Variants in EPHB1 observed in about 807,000 individuals in gnomAD.
EPHB1 encodes ephrin type-B receptor 1.
Under a neutral mutation model 94.4 loss-of-function variants are expected in EPHB1, and 30 were observed. That is an observed-to-expected ratio of 0.32 (90% CI 0.24 to 0.43). The LOEUF (loss-of-function observed/expected upper bound fraction) is 0.43. EPHB1 is among the 20% of genes least tolerant of loss of function. The pLI is 1.00. For missense variants in EPHB1, 1,055 were observed against 1,308.3 expected, an observed-to-expected ratio of 0.81 and a Z score of 2.99; for synonymous variants, 522 against 489.1, an observed-to-expected ratio of 1.07 and a Z score of -0.89.
chr3:134,802,203 G>C (rs1391263503), intron 1 of EPHB1, among the ~76,000 whole-genome samples: 3 of 152,002 alleles, frequency 2.0e-5, no homozygotes, highest in African/African-American at 7.3e-5. Flanking sequence ...TTGGGAGGCT[G>C]AGGCGGGCGG....
intron 12 of EPHB1, among the ~76,000 whole-genome samples, chr3:135,239,962 T>C (rs879180975): frequency 6.6e-6 from 1 of 152,150 alleles, no homozygotes; most frequent in Admixed American, 6.5e-5. Context: ...GTAGGTTACT[T>C]GCCCCCGCCG....
At chr3:134,869,477 A>G (rs1022493365) in intron 1 of EPHB1, among the ~76,000 whole-genome samples, 1 of 152,150 alleles carries the variant, frequency 6.6e-6, no homozygotes, top group African/African-American at 2.4e-5. Context: ...GAGCCCTTGG[A>G]TGGACCGTGG....
In EPHB1 at chr3:134,906,240, G is replaced by A. The variant is rs189691689; in HGVS notation, c.59-19576G>A. Among the ~76,000 whole-genome samples, 32 of 152,310 alleles carry A rather than the reference G, an allele frequency of 2.1e-4. No individual in the cohort carries two copies. The East Asian group carries it at 3.3e-3, about 16-fold the overall frequency. On this transcript the variant is annotated intron_variant, in intron 1 of 15. Coordinates refer to ENST00000398015, the MANE Select transcript of EPHB1 (RefSeq NM_004441.5). ...GAATTTTGTTGAAACCATTTAGCCC[G>A]AGGGGATAGCATCATAGATCAGAAT...
At position 134,951,756 on chromosome 3, in the gene EPHB1, G is replaced by T. The variant is rs563780078; in HGVS notation, c.509G>T (p.Arg170Leu). ...TEVRSFGPLT[R>L]NGFYLAFQDY... is the part of the protein sequence containing the mutation. ...GTCAGGAGCTTTGGGCCTCTTACTCGGAATGGTTTTTACCTCGCTTTTCAG... is the reference window on the plus strand; with the variant it reads ...GTCAGGAGCTTTGGGCCTCTTACTCTGAATGGTTTTTACCTCGCTTTTCAG... The change falls in exon 3 of 16, where the codon CGG becomes CTG. Residue 170 changes from arginine (R) to leucine (L), a missense_variant. Arg to Leu is a moderately radical substitution (Grantham distance 102). Coordinates refer to ENST00000398015, the MANE Select transcript of EPHB1 (RefSeq NM_004441.5). This position sits in a 1 kb window ranked among gnomAD's most constrained non-coding sequence, Gnocchi z 4.5. 1 of 1,614,004 alleles carries T rather than the reference G, an allele frequency of 6.2e-7. No homozygotes were observed. The highest frequency in any genetic ancestry group is 2.2e-5 in the East Asian group (1 of 44,888).
intron 2 of EPHB1, among the ~76,000 whole-genome samples, chr3:134,945,281 A>G (rs1272497123): frequency 6.6e-6 from 1 of 152,058 alleles, no homozygotes; most frequent in Admixed American, 6.5e-5. Context: ...CAATATGTTT[A>G]TTTATGGCTT....
chr3:134,987,644 G>A (rs568163221), intron 3 of EPHB1, among the ~76,000 whole-genome samples: 10 of 152,264 alleles, frequency 6.6e-5, no homozygotes, highest in South Asian at 6.2e-4. Context: ...GGTGGCACGC[G>A]CTTGTAGTCC....
intron 6 of EPHB1, among the ~76,000 whole-genome samples, chr3:135,156,981 A>G (rs1445728731): frequency 1.3e-5 from 2 of 152,120 alleles, no homozygotes; most frequent in Non-Finnish European, 2.9e-5. Context: ...CAGAAAAACA[A>G]TAATAATTTC....
In EPHB1 at chr3:135,241,405, C is replaced by T; in HGVS notation, c.2496+108C>T. 5 of 1,381,500 alleles carry T rather than the reference C, an allele frequency of 3.6e-6. No individual in the cohort carries two copies. In the South Asian group the frequency reaches 3.8e-5, roughly 11 times the overall value. The allele number at this position is 1,381,500 out of a possible 1,614,324, so 85.6% of individuals were successfully genotyped here. A position where few individuals can be genotyped will look rare whatever the true frequency, so the allele number is the denominator to read the frequency against. On this transcript the variant is annotated intron_variant, in intron 13 of 15. Coordinates refer to ENST00000398015, the MANE Select transcript of EPHB1 (RefSeq NM_004441.5). ...CAGCTCACGGCCTCATAATCTGAACCTGCAGTGTTCAGGGTAGGGGATACA... is the reference window on the plus strand; with the variant it reads ...CAGCTCACGGCCTCATAATCTGAACTTGCAGTGTTCAGGGTAGGGGATACA...
At chr3:135,113,140 A>C (rs1299403507) in intron 4 of EPHB1, among the ~76,000 whole-genome samples, 1 of 152,236 alleles carries the variant, frequency 6.6e-6, no homozygotes, top group Admixed American at 6.5e-5. Flanking sequence ...GCAGGCCTAG[A>C]TTTGGGTCCC....
chr3:134,856,997 A>T (rs1002911905), intron 1 of EPHB1, among the ~76,000 whole-genome samples: 1 of 152,214 alleles, frequency 6.6e-6, no homozygotes, highest in African/African-American at 2.4e-5. Flanking sequence ...CTAAAGAAGG[A>T]ATGTATCCTT....
intron 6 of EPHB1, among the ~76,000 whole-genome samples, chr3:135,160,353 A>G (rs1425063279): frequency 6.6e-6 from 1 of 152,198 alleles, no homozygotes; most frequent in South Asian, 2.1e-4. Flanking sequence ...ATATATTTAC[A>G]TAAAATATAT....
intron 15 of EPHB1, 149 bp from the exon 16 acceptor site, chr3:135,258,863 G>T: frequency 3.0e-6 from 2 of 656,696 alleles, no homozygotes; most frequent in Non-Finnish European, 5.4e-6. Flanking sequence ...TCTCTAATTG[G>T]AAGTTTGCCA....
At chr3:135,115,042 GCCTGA>G (rs1285975437) in intron 4 of EPHB1, among the ~76,000 whole-genome samples, 2 of 152,088 alleles carry the variant, frequency 1.3e-5, no homozygotes, top group African/African-American at 4.8e-5. Flanking sequence ...ATGTTGACTG[GCCTGA>G]CTTACACATA....
chr3:135,167,711 A>G (rs531901023), intron 9 of EPHB1, among the ~76,000 whole-genome samples: 1 of 152,344 alleles, frequency 6.6e-6, no homozygotes, highest in East Asian at 1.9e-4. Context: ...TCCAGAAAGC[A>G]GAATTCTCAG....
chr3:135,186,308 T>C (rs1186101852), intron 10 of EPHB1, among the ~76,000 whole-genome samples: 2 of 152,190 alleles, frequency 1.3e-5, no homozygotes, highest in African/African-American at 4.8e-5. Flanking sequence ...GGAACTCTGA[T>C]GAAAGGGTGA....
chr3:134,998,159 C>T (rs955395529), intron 3 of EPHB1, among the ~76,000 whole-genome samples: 1 of 152,166 alleles, frequency 6.6e-6, no homozygotes, highest in Non-Finnish European at 1.5e-5. Context: ...TGGTCTGATG[C>T]AATATGTGAA....
intron 3 of EPHB1, among the ~76,000 whole-genome samples, chr3:134,962,315 T>G (rs1184992919): frequency 6.6e-6 from 1 of 152,182 alleles, no homozygotes; most frequent in Non-Finnish European, 1.5e-5. Flanking sequence ...GTGCTGCAGG[T>G]GGTTCGGGTA....
chr3:135,075,341 G>A (rs566542148), intron 3 of EPHB1, among the ~76,000 whole-genome samples: 1 of 152,168 alleles, frequency 6.6e-6, no homozygotes, highest in South Asian at 2.1e-4. Context: ...AGATTGCCTG[G>A]GAATCGATAG....
Position 134,942,405 on chromosome 3 carries a change from A to G in EPHB1, c.124-8966A>G, listed in dbSNP as rs142438558. On this transcript the variant is annotated intron_variant, in intron 2 of 15. Coordinates refer to ENST00000398015, the MANE Select transcript of EPHB1 (RefSeq NM_004441.5). ...AAGGGGAGGGCTGAATAGAAGAGCT[A>G]TGGAGATAGGAGACATAGAATTTGG... 8.1e-3 allele frequency among the ~76,000 whole-genome samples: 1,234 copies of G among 152,360 alleles called. 22 individuals are homozygous for G. Among genetic ancestry groups the G allele is most frequent in the African/African-American group, 0.028 (1,162 of 41,588 alleles).
Sources: allele counts gnomAD v4.1 joint callset (sites outside exome capture counted in the v4.1 genomes callset), GRCh38; gene constraint gnomAD v4.1.1; non-coding constraint Gnocchi (gnomAD v3.1); transcripts MANE v1.5; gene names NCBI Gene and HGNC (gene_info 2026-07-23, HGNC 2026-07-21).